The following TCF4 variants were observed in gnomAD, a reference collection of about 807,000 sequenced individuals.
The protein encoded by TCF4 is SL3-3 enhancer factor 2.
In TCF4, 3 loss-of-function variants were observed where a neutral mutation model predicts 82.1. That is an observed-to-expected ratio of 0.04 (90% confidence interval 0.02 to 0.09). The LOEUF is 0.09. Among genes scored for constraint, TCF4 ranks in the 10% least tolerant of loss-of-function variants. TCF4 has a pLI of 1.00. For missense variants in TCF4, 518 were observed against 852.7 expected, an observed-to-expected ratio of 0.61 and a Z score of 4.89; for synonymous variants, 276 against 309.6, an observed-to-expected ratio of 0.89 and a Z score of 1.14.
At chr18:55,390,328 A>G (rs2092976374) in intron 6 of TCF4, among the ~76,000 whole-genome samples, 1 of 150,862 alleles carries the variant, frequency 6.6e-6, no homozygotes, top group Admixed American at 6.6e-5. Context: ...AGAAAAGAAA[A>G]GTCATAAATA....
intron 3 of TCF4, among the ~76,000 whole-genome samples, chr18:55,571,463 G>A (rs758146714): frequency 7.9e-5 from 12 of 152,196 alleles, no homozygotes; most frequent in South Asian, 2.1e-4. Flanking sequence ...CCCACAGGCC[G>A]GCCAATGGAT....
chr18:55,581,444 T>C lies in TCF4; in HGVS notation c.145+3836A>G, dbSNP rs2097574254. Among the ~76,000 whole-genome samples, 3 of 152,170 alleles carry C rather than the reference T, an allele frequency of 2.0e-5. No individual in the cohort carries two copies. In the South Asian group the frequency reaches 6.2e-4, roughly 32 times the overall value. On this transcript the variant is annotated intron_variant, in intron 3 of 19. Coordinates refer to ENST00000354452, the MANE Select transcript of TCF4 (RefSeq NM_001083962.2). ...TGGGTTTAACGCCACTGTACTTCTT[T>C]TAACCTGTTAAATTACTCTGCCCTT...
Position 55,371,434 on chromosome 18 carries a change from G to A in TCF4, c.370-20431C>T, listed in dbSNP as rs932626466. On this transcript the variant is annotated intron_variant, in intron 6 of 19. Coordinates refer to ENST00000354452, the MANE Select transcript of TCF4 (RefSeq NM_001083962.2). ...CATTTGTGGACAGGAGACATTCACT[G>A]TACCTACTCAAAGAGATGCTTGGAG... Among the ~76,000 whole-genome samples, 7 of 152,296 alleles carry A rather than the reference G, an allele frequency of 4.6e-5. No individual in the cohort carries two copies. The East Asian group carries it at 1.4e-3, about 29-fold the overall frequency.
chr18:55,355,289 G>A (rs1315981785), intron 6 of TCF4, among the ~76,000 whole-genome samples: 1 of 152,168 alleles, frequency 6.6e-6, no homozygotes, highest in Non-Finnish European at 1.5e-5. Flanking sequence ...AGTTAGATTT[G>A]TTTAAAATAC....
rs1293032094 is a variant in TCF4, at chr18:55,633,777, C to T, written c.195+1926G>A. On this transcript the variant is annotated intron_variant, in intron 1 of 20. Coordinates refer to the TCF4 transcript ENST00000398339. The surrounding 1 kb of genome is among the most constrained non-coding windows in gnomAD (Gnocchi z 4.0). ...AATACTTAAATGAATAGGTATGTCT[C>T]GGTTAAGCCCAAAGTAGGTCTGTGG... Among the ~76,000 whole-genome samples the T allele has an allele frequency of 6.6e-6, 1 of 151,910 alleles. No homozygotes were observed. Among genetic ancestry groups the T allele is most frequent in the Admixed American group, 6.6e-5 (1 of 15,252 alleles).
At chr18:55,380,344 C>G (rs1014494670) in intron 6 of TCF4, among the ~76,000 whole-genome samples, 2 of 151,856 alleles carry the variant, frequency 1.3e-5, no homozygotes, top group African/African-American at 4.8e-5. Context: ...TGGGTATACA[C>G]GTGCCATGGT....
intron 8 of TCF4, among the ~76,000 whole-genome samples, chr18:55,287,400 G>A (rs1329742050): frequency 6.6e-6 from 1 of 152,168 alleles, no homozygotes; most frequent in Admixed American, 6.5e-5. Context: ...GCTAAATCCT[G>A]TAAATAATTT....
At chr18:55,298,633 G>A (rs771785032) in intron 8 of TCF4, among the ~76,000 whole-genome samples, 1 of 152,146 alleles carries the variant, frequency 6.6e-6, no homozygotes, top group Non-Finnish European at 1.5e-5. Flanking sequence ...TGATTTAAGG[G>A]TACATATGTG....
At chr18:55,631,051 GT>G (rs35757922) in intron 2 of TCF4, among the ~76,000 whole-genome samples, 219 of 142,240 alleles carry the variant, frequency 1.5e-3, no homozygotes, top group Middle Eastern at 3.7e-3. Flanking sequence ...AGAGCAATGG[GT>G]TTTTTTTTTT....
At chr18:55,401,246 C>T in intron 6 of TCF4, 2 of 1,189,214 alleles carry the variant, frequency 1.7e-6, no homozygotes, top group South Asian at 3.2e-5. Flanking sequence ...CCTATTTTCC[C>T]TCTGTCAGCA....
chr18:55,417,076 G>A (rs2094550315), intron 5 of TCF4, among the ~76,000 whole-genome samples: 1 of 152,230 alleles, frequency 6.6e-6, no homozygotes, highest in African/African-American at 2.4e-5. Context: ...CGACGGAAGA[G>A]GGGAACTCAG....
chr18:55,262,255 A>G (rs2058220240), intron 11 of TCF4, among the ~76,000 whole-genome samples: 1 of 152,200 alleles, frequency 6.6e-6, no homozygotes, highest in African/African-American at 2.4e-5. Flanking sequence ...AACAAAGAGT[A>G]TTGTGAATAA....
At chr18:55,398,256 C>G (rs1034972565) in intron 6 of TCF4, among the ~76,000 whole-genome samples, 1 of 152,116 alleles carries the variant, frequency 6.6e-6, no homozygotes, top group Non-Finnish European at 1.5e-5. Flanking sequence ...AGCCGCTGCC[C>G]GAAAAATACC....
chr18:55,464,880 T>C (rs2144928888), intron 3 of TCF4, among the ~76,000 whole-genome samples: 1 of 152,238 alleles, frequency 6.6e-6, no homozygotes, highest in East Asian at 1.9e-4. Context: ...GTTGGAATTC[T>C]AAACTCAATA....
chr18:55,346,801 A>C (rs1390314059), intron 8 of TCF4, among the ~76,000 whole-genome samples: 3 of 152,202 alleles, frequency 2.0e-5, no homozygotes, highest in South Asian at 4.1e-4. Flanking sequence ...TTTCCAAAAG[A>C]TAATGCCTTT....
chr18:55,624,195 T>G (rs2097724311), intron 2 of TCF4, among the ~76,000 whole-genome samples: 1 of 152,074 alleles, frequency 6.6e-6, no homozygotes, highest in Admixed American at 6.5e-5. Flanking sequence ...TTATATAAAT[T>G]TTTTAGTTAA....
At chr18:55,537,122 A>G (rs1255039548) in intron 3 of TCF4, among the ~76,000 whole-genome samples, 3 of 145,996 alleles carry the variant, frequency 2.1e-5, no homozygotes, top group Non-Finnish European at 4.5e-5. Flanking sequence ...CAACAGAGCG[A>G]GACTCCGTCT....
intron 3 of TCF4, among the ~76,000 whole-genome samples, chr18:55,508,099 G>A (rs1039438421): frequency 6.6e-6 from 1 of 152,020 alleles, no homozygotes; most frequent in Non-Finnish European, 1.5e-5. Context: ...AAGGCAGCCG[G>A]GGAAATGTAC....
At chr18:55,404,314 C>T (rs1343395698) in intron 5 of TCF4, 7 of 155,328 alleles carry the variant, frequency 4.5e-5, no homozygotes, top group African/African-American at 1.7e-4. Flanking sequence ...CCCCAATAAT[C>T]ATTAGGGAGG....
Sources: gnomAD v4.1 joint callset for allele counts (sites outside exome capture counted in the v4.1 genomes callset) on GRCh38, gnomAD v4.1.1 for gene constraint, Gnocchi (gnomAD v3.1) non-coding constraint, MANE v1.5 for transcripts, NCBI Gene and HGNC (gene_info 2026-07-23, HGNC 2026-07-21) for gene names.